The following DYRK1A variants were observed in gnomAD, a reference collection of about 807,000 sequenced individuals.
DYRK1A encodes dual specificity tyrosine phosphorylation regulated kinase 1A.
A neutral mutation model predicts 79.7 loss-of-function variants in DYRK1A; 9 were observed. The observed-to-expected ratio is 0.11, with a 90% CI of 0.07 to 0.20. DYRK1A has a LOEUF of 0.20. Ranked by LOEUF, DYRK1A falls within the 10% of genes least tolerant of loss-of-function variation. The pLI is 1.00. For missense variants in DYRK1A, 622 were observed against 956.0 expected (o/e 0.65, Z 4.61); for synonymous variants, 349 against 329.7 (o/e 1.06, Z -0.63).
chr21:37,472,654 T>C (rs761522106), intron 2 of DYRK1A, 30 bp from the exon 3 acceptor site: 1 of 1,516,550 alleles, frequency 6.6e-7, no homozygotes, highest in South Asian at 1.3e-5. Context: ...ATATGAATAT[T>C]TCCTTTAAAC....
At chr21:37,479,646 G>T (rs2052564250) in intron 4 of DYRK1A, among the ~76,000 whole-genome samples, 1 of 51,010 alleles carries the variant, frequency 2.0e-5, no homozygotes, top group Non-Finnish European at 3.7e-5. Flanking sequence ...TGGAGACAGA[G>T]TCTCACTTTG....
In DYRK1A at chr21:37,512,841, C is replaced by T. The variant is rs893698752; in HGVS notation, c.*310C>T. 1.3e-5 allele frequency: 4 copies of T among 319,352 alleles called. No homozygotes were observed. The allele number at this position is 319,352 out of a possible 1,614,324, so 19.8% of individuals were successfully genotyped here. The stretch of plus-strand genomic sequence containing the variant: ...TTTCTATTCAGCAAAAGTTAATATT[C>T]AGATGTTGGTCTTGGTCATTTGCCA... On this transcript the variant is annotated 3_prime_UTR_variant, in exon 12 of 12. Transcript: ENST00000647188.
intron 1 of DYRK1A, among the ~76,000 whole-genome samples, chr21:37,379,385 A>G (rs1230887090): frequency 6.6e-6 from 1 of 152,228 alleles, no homozygotes; most frequent in Non-Finnish European, 1.5e-5. Context: ...TCTGGATTCA[A>G]ACAGCAACAT....
chr21:37,481,783 ATCAC>A (rs1805228427), intron 5 of DYRK1A: 1 of 152,160 alleles, frequency 6.6e-6, no homozygotes, highest in African/African-American at 2.4e-5. Context: ...AAGCAGAAGG[ATCAC>A]CTGAGCCCAG....
intron 1 of DYRK1A, among the ~76,000 whole-genome samples, chr21:37,388,055 C>T (rs1822764018): frequency 6.6e-6 from 1 of 151,564 alleles, no homozygotes; most frequent in Non-Finnish European, 1.5e-5. Context: ...CCCTTCATGA[C>T]CTCCTTATAA....
rs567340973 is a variant in DYRK1A at position 37,421,386 on chromosome 21, C to T, written c.10+1002C>T. Among the ~76,000 whole-genome samples the T allele has an allele frequency of 1.3e-4, 20 of 151,980 alleles. No individual in the cohort carries two copies. In the South Asian group the frequency reaches 3.1e-3, roughly 24 times the overall value. Reference sequence around the variant, plus strand: ...ATTTTAAGATTTTAAAAAATTGTTTCGGTGTACTATTTTGTATGAAGAAAT... The same window carrying T: ...ATTTTAAGATTTTAAAAAATTGTTTTGGTGTACTATTTTGTATGAAGAAAT... On this transcript the variant is annotated intron_variant, in intron 2 of 11. Coordinates refer to ENST00000647188, the MANE Select transcript of DYRK1A (RefSeq NM_001347721.2).
At chr21:37,433,519 T>C (rs959387362) in intron 2 of DYRK1A, among the ~76,000 whole-genome samples, 3 of 152,252 alleles carry the variant, frequency 2.0e-5, no homozygotes, top group African/African-American at 7.2e-5. Context: ...ATCTTTCCCT[T>C]TTATTTCTCT....
chr21:37,521,668 C>A lies in DYRK1A; in HGVS notation c.*9137C>A, dbSNP rs2053936084. The A allele has an allele frequency of 1.3e-5, 2 of 152,170 alleles. No homozygotes were observed. The highest frequency in any genetic ancestry group is 1.5e-5 in the Non-Finnish European group (1 of 68,052). 9.4% of individuals were successfully genotyped at this position (152,170 alleles called of 1,614,324 possible). A position where few individuals can be genotyped will look rare whatever the true frequency, so the allele number is the denominator to read the frequency against. On this transcript the variant is annotated 3_prime_UTR_variant, in exon 12 of 12. Coordinates refer to ENST00000647188, the MANE Select transcript of DYRK1A (RefSeq NM_001347721.2). ...CAAGGAACTGAAGTTCTAGCTGATACCTAATGGAGGAATGGGTGTTATCCT... is the reference window on the plus strand; with the variant it reads ...CAAGGAACTGAAGTTCTAGCTGATAACTAATGGAGGAATGGGTGTTATCCT...
intron 11 of DYRK1A, among the ~76,000 whole-genome samples, chr21:37,508,777 T>A (rs2053669402): frequency 6.6e-6 from 1 of 152,236 alleles, no homozygotes; most frequent in African/African-American, 2.4e-5. Context: ...CTTACTTTTC[T>A]TACATTTCCT....
intron 1 of DYRK1A, among the ~76,000 whole-genome samples, chr21:37,416,317 C>CTTTTTTTTTTTT (rs775621138): frequency 1.0e-5 from 1 of 98,148 alleles, no homozygotes; most frequent in Non-Finnish European, 2.0e-5. Flanking sequence ...GTGTTTTGGC[C>CTTTTTTTTTTTT]TTTTTTTTTT....
intron 2 of DYRK1A, among the ~76,000 whole-genome samples, chr21:37,455,543 A>T (rs1036123636): frequency 1.3e-4 from 20 of 152,256 alleles, no homozygotes; most frequent in African/African-American, 4.3e-4. Context: ...TCTTGAATCC[A>T]GCTGTCTCTT....
chr21:37,449,558 G>A (rs573138677), intron 2 of DYRK1A, among the ~76,000 whole-genome samples: 35 of 152,216 alleles, frequency 2.3e-4, no homozygotes, highest in African/African-American at 7.2e-4. Context: ...TCTTAGTCAC[G>A]TGGCCATGCT....
At chr21:37,408,389 A>C (rs2050186410) in intron 1 of DYRK1A, among the ~76,000 whole-genome samples, 1 of 152,222 alleles carries the variant, frequency 6.6e-6, no homozygotes, top group Non-Finnish European at 1.5e-5. Context: ...TCACGTCCCT[A>C]GCCTCTTGGC....
chr21:37,464,355 T>G, intron 2 of DYRK1A: 1 of 446,818 alleles, frequency 2.2e-6, no homozygotes, highest in Non-Finnish European at 4.3e-6. Flanking sequence ...GTAAGAAAGC[T>G]GCTTCATTTT....
At chr21:37,373,212 C>T (rs2049468638) in intron 1 of DYRK1A, among the ~76,000 whole-genome samples, 2 of 152,134 alleles carry the variant, frequency 1.3e-5, no homozygotes, top group Non-Finnish European at 2.9e-5. Context: ...CACCGGCTGC[C>T]CTGCCCAGGA....
chr21:37,389,918 G>GTTTTTTT (rs1337784767), intron 1 of DYRK1A, among the ~76,000 whole-genome samples: 1 of 145,038 alleles, frequency 6.9e-6, no homozygotes, highest in African/African-American at 2.5e-5. Flanking sequence ...TATGTATTTT[G>GTTTTTTT]TTTTTTGTTT....
intron 1 of DYRK1A, among the ~76,000 whole-genome samples, chr21:37,369,790 T>G (rs2049393689): frequency 6.6e-6 from 1 of 152,220 alleles, no homozygotes; most frequent in Admixed American, 6.5e-5. Flanking sequence ...CCTAGTGAGA[T>G]CTTTGTTTTG....
intron 9 of DYRK1A, chr21:37,503,023 T>A (rs2053496472): frequency 1.3e-5 from 2 of 152,212 alleles, no homozygotes; most frequent in Non-Finnish European, 2.9e-5. Context: ...ATATAATATT[T>A]TCCCCCTCTT....
At position 37,367,066 on chromosome 21, in the gene DYRK1A, G is replaced by C. The variant is rs2049321651; in HGVS notation, c.-639G>C. 1 of 158,590 alleles carries C rather than the reference G, an allele frequency of 6.3e-6. No homozygotes were observed. The highest frequency in any genetic ancestry group is 6.5e-5 in the Admixed American group (1 of 15,300). 9.8% of individuals were successfully genotyped at this position (158,590 alleles called of 1,614,324 possible). A position where few individuals can be genotyped will look rare whatever the true frequency, so the allele number is the denominator to read the frequency against. ...CCGCCGCCGGCGAGCAGGCGGGACC[G>C]GTGTGAGTGCGAGTGTGTGTGCGAG... On this transcript the variant is annotated 5_prime_UTR_variant, in exon 1 of 12. Coordinates refer to ENST00000647188, the MANE Select transcript of DYRK1A (RefSeq NM_001347721.2).
Sources: gnomAD v4.1 joint callset for allele counts (sites outside exome capture counted in the v4.1 genomes callset) on GRCh38, gnomAD v4.1.1 for gene constraint, MANE v1.5 for transcripts, NCBI Gene and HGNC (gene_info 2026-07-23, HGNC 2026-07-21) for gene names.